The following KCNIP4 variants were observed in gnomAD, a reference collection of about 807,000 sequenced individuals.
The protein encoded by KCNIP4 is Kv channel-interacting protein 4.
KCNIP4 carries 12 observed loss-of-function variants against 34.0 expected under a neutral mutation model. That is an observed-to-expected ratio of 0.35 (90% confidence interval 0.23 to 0.57). The LOEUF (loss-of-function observed/expected upper bound fraction) is 0.57. KCNIP4 is among the 20% of genes least tolerant of loss of function. KCNIP4 has a pLI of 0.83. For missense variants in KCNIP4, 238 were observed against 311.7 expected (o/e 0.76, Z 1.78); for synonymous variants, 124 against 102.2 (o/e 1.21, Z -1.29).
intron 1 of KCNIP4, among the ~76,000 whole-genome samples, chr4:21,455,743 T>G (rs540202920): frequency 8.3e-4 from 122 of 146,390 alleles, no homozygotes; most frequent in African/African-American, 3.0e-3. Flanking sequence ...CCTTTCTTTC[T>G]CATCCTCTCT....
chr4:21,364,926 A>G (rs971284580), intron 1 of KCNIP4, among the ~76,000 whole-genome samples: 5 of 152,174 alleles, frequency 3.3e-5, no homozygotes, highest in Non-Finnish European at 7.3e-5. Flanking sequence ...GGACATTGCA[A>G]GTGAATATAA....
intron 3 of KCNIP4, among the ~76,000 whole-genome samples, chr4:20,764,141 T>A (rs1755187078): frequency 6.6e-6 from 1 of 152,184 alleles, no homozygotes; most frequent in Non-Finnish European, 1.5e-5. Context: ...AATGAAATTT[T>A]GTCTGATTAT....
At chr4:20,732,440 AC>A (rs1308689522) in intron 7 of KCNIP4, among the ~76,000 whole-genome samples, 6 of 152,216 alleles carry the variant, frequency 3.9e-5, no homozygotes, top group African/African-American at 1.4e-4. Flanking sequence ...TGAAAACAAA[AC>A]TTGTGAAACA....
intron 1 of KCNIP4, among the ~76,000 whole-genome samples, chr4:21,186,774 A>C (rs1385172930): frequency 6.6e-6 from 1 of 152,130 alleles, no homozygotes; most frequent in East Asian, 1.9e-4. Flanking sequence ...TCTCCCAAGT[A>C]GCTGGGACTA....
intron 1 of KCNIP4, among the ~76,000 whole-genome samples, chr4:21,502,881 T>G (rs1056318209): frequency 1.3e-5 from 2 of 152,174 alleles, no homozygotes; most frequent in African/African-American, 4.8e-5. Context: ...TGCATTATAA[T>G]TTTTGGAAGA....
At chr4:21,575,281 AGAT>A (rs1470806756) in intron 1 of KCNIP4, among the ~76,000 whole-genome samples, 2 of 152,198 alleles carry the variant, frequency 1.3e-5, no homozygotes, top group Admixed American at 6.5e-5. Flanking sequence ...CAAGAGTCCA[AGAT>A]GATTTGGAGG....
chr4:21,939,789 T>C (rs1730093799), intron 1 of KCNIP4, among the ~76,000 whole-genome samples: 2 of 152,176 alleles, frequency 1.3e-5, no homozygotes, highest in South Asian at 4.1e-4. Context: ...GAAAAAGTGA[T>C]TTAAAATTCT....
At chr4:21,459,879 G>A (rs1420580777) in intron 1 of KCNIP4, among the ~76,000 whole-genome samples, 1 of 151,826 alleles carries the variant, frequency 6.6e-6, no homozygotes. Flanking sequence ...GCTGCTCTGA[G>A]CCTTGTTCAT....
At chr4:21,606,615 A>G (rs996715409) in intron 1 of KCNIP4, among the ~76,000 whole-genome samples, 2 of 151,910 alleles carry the variant, frequency 1.3e-5, no homozygotes, top group Admixed American at 6.6e-5. Context: ...TGTTTTTGAG[A>G]CAGAGTCTTG....
chr4:21,756,781 A>C lies in KCNIP4; in HGVS notation c.61+191790T>G, dbSNP rs553456177. On this transcript the variant is annotated intron_variant, in intron 1 of 8. Transcript: ENST00000382152. ...GCCACTTGTCATTTCATGATATTGAAAAGCAAATGTAAAACTCGCTTTTAG... is the reference window on the plus strand; with the variant it reads ...GCCACTTGTCATTTCATGATATTGACAAGCAAATGTAAAACTCGCTTTTAG... Among the ~76,000 whole-genome samples, 20 of 152,076 alleles carry C rather than the reference A, an allele frequency of 1.3e-4. 1 individual carries two copies. The highest frequency in any genetic ancestry group is 3.4e-3 in the Middle Eastern group (1 of 294).
intron 1 of KCNIP4, among the ~76,000 whole-genome samples, chr4:21,037,557 A>G (rs1315940362): frequency 6.6e-6 from 1 of 152,226 alleles, no homozygotes; most frequent in Non-Finnish European, 1.5e-5. Context: ...AGGTTTGTGT[A>G]AGTATGCTCT....
At chr4:20,856,436 G>A (rs986293260) in intron 2 of KCNIP4, among the ~76,000 whole-genome samples, 1 of 152,030 alleles carries the variant, frequency 6.6e-6, no homozygotes, top group Non-Finnish European at 1.5e-5. Context: ...TGACCCCCTG[G>A]TCATCGTTCC....
chr4:21,621,200 ATCAC>A (rs1159934155), intron 1 of KCNIP4, among the ~76,000 whole-genome samples: 1 of 152,218 alleles, frequency 6.6e-6, no homozygotes, highest in Non-Finnish European at 1.5e-5. Flanking sequence ...AAGGCAAAAC[ATCAC>A]TCTAGTCAAA....
intron 1 of KCNIP4, among the ~76,000 whole-genome samples, chr4:20,926,643 T>C (rs1345198587): frequency 2.6e-5 from 4 of 152,208 alleles, no homozygotes; most frequent in African/African-American, 9.6e-5. Context: ...TCTTAAGTCA[T>C]TCATCCTGTA....
chr4:20,851,546 C>A (rs1721023976), intron 2 of KCNIP4, among the ~76,000 whole-genome samples: 1 of 151,982 alleles, frequency 6.6e-6, no homozygotes, highest in South Asian at 2.1e-4. Context: ...TGGGTATATA[C>A]CCGGTAATGA....
rs867064674 is a variant in KCNIP4, at chr4:21,338,290, C to A, written c.62-455581G>T. On this transcript the variant is annotated intron_variant, in intron 1 of 8. Coordinates refer to ENST00000382152, the MANE Select transcript of KCNIP4 (RefSeq NM_025221.6). ...AAAAAAAAAAAAAAAAAAAAAAAGA[C>A]TTTGTATTTTTATCCAGAAGGGTAC... Among the ~76,000 whole-genome samples the A allele has an allele frequency of 3.8e-3, 466 of 123,722 alleles. 2 individuals carry two copies. Among genetic ancestry groups the A allele is most frequent in the Middle Eastern group, 0.017 (3 of 174 alleles). The allele number at this position is 123,722 out of a possible 152,430, so 81.2% of individuals were successfully genotyped here.
intron 1 of KCNIP4, among the ~76,000 whole-genome samples, chr4:21,265,095 C>A (rs191210157): frequency 9.3e-5 from 14 of 150,718 alleles, no homozygotes; most frequent in Admixed American, 4.6e-4. Flanking sequence ...CGAGACTCTG[C>A]CTCAAATAAT....
At chr4:21,095,159 T>C (rs908421679) in intron 1 of KCNIP4, among the ~76,000 whole-genome samples, 27 of 152,150 alleles carry the variant, frequency 1.8e-4, no homozygotes, top group Admixed American at 2.0e-4. Context: ...ACTCACAGTT[T>C]GAAAAGTAAA....
intron 1 of KCNIP4, among the ~76,000 whole-genome samples, chr4:20,913,391 A>G (rs1728511945): frequency 6.6e-6 from 1 of 152,206 alleles, no homozygotes; most frequent in Non-Finnish European, 1.5e-5. Context: ...GAAAGAGGGA[A>G]TAGCAAGTAA....
Sources: gnomAD v4.1 joint callset for allele counts (sites outside exome capture counted in the v4.1 genomes callset) on GRCh38, gnomAD v4.1.1 for gene constraint, MANE v1.5 for transcripts, NCBI Gene and HGNC (gene_info 2026-07-23, HGNC 2026-07-21) for gene names.